LYRM4: variants seen among roughly 807,000 people sequenced by gnomAD.
LYRM4 encodes the protein LYR motif-containing protein 4.
In LYRM4, 9 loss-of-function variants were observed where a neutral mutation model predicts 11.7. The ratio of observed to expected loss-of-function variants is 0.77; its 90% CI spans 0.46 to 1.34. The LOEUF (loss-of-function observed/expected upper bound fraction) is 1.34, where lower values mean the gene tolerates loss of function less well. Among genes scored for constraint, LYRM4 ranks in the 40% most tolerant of loss-of-function variants. The pLI is 0.00. For synonymous variants in LYRM4, 42 were observed against 40.4 expected (o/e 1.04, Z -0.15); for missense variants, 133 against 112.5 (o/e 1.18, Z -0.82).
chr6:5,176,396 T>A (rs1182352819), intron 2 of LYRM4, among the ~76,000 whole-genome samples: 1 of 152,152 alleles, frequency 6.6e-6, no homozygotes, highest in African/African-American at 2.4e-5. Flanking sequence ...TAGAAACAGA[T>A]TGTTGGTATA....
chr6:5,077,159 G>A, the LYRM4 span, among the ~76,000 whole-genome samples: 1 of 152,156 alleles, frequency 6.6e-6, no homozygotes, highest in Non-Finnish European at 1.5e-5. Flanking sequence ...GGGACAGTGG[G>A]GATACCCATT....
chr6:5,256,986 C>G (rs1317794076), intron 1 of LYRM4, among the ~76,000 whole-genome samples: 1 of 152,148 alleles, frequency 6.6e-6, no homozygotes, highest in African/African-American at 2.4e-5. Context: ...TCAAATACAA[C>G]ATTCTTCTCT....
At chr6:5,173,282 C>T (rs893701202) in intron 2 of LYRM4, among the ~76,000 whole-genome samples, 9 of 152,232 alleles carry the variant, frequency 5.9e-5, no homozygotes, top group Admixed American at 3.9e-4. Context: ...GACACATCAA[C>T]GCTGTTATGC....
the LYRM4 span, chr6:5,054,176 A>C: frequency 1.1e-6 from 1 of 924,774 alleles, no homozygotes; most frequent in East Asian, 1.2e-4. Flanking sequence ...GAGGAAGAAA[A>C]GGGGTGGGAA....
At chr6:5,086,607 G>A in the LYRM4 span, 7 of 1,405,532 alleles carry the variant, frequency 5.0e-6, no homozygotes, top group East Asian at 1.8e-4. Context: ...TGATTAGCAC[G>A]TGGAGCTCGG....
At chr6:5,237,063 A>T (rs919923783) in intron 1 of LYRM4, among the ~76,000 whole-genome samples, 6 of 152,182 alleles carry the variant, frequency 3.9e-5, no homozygotes, top group Non-Finnish European at 8.8e-5. Context: ...CAAGGTAAAG[A>T]ATTGGCTTTC....
the LYRM4 span, among the ~76,000 whole-genome samples, chr6:5,041,958 A>G: frequency 6.6e-6 from 1 of 152,224 alleles, no homozygotes; most frequent in Non-Finnish European, 1.5e-5. Flanking sequence ...TTTGTTTTCT[A>G]TAAGAATTGT....
downstream of LYRM4, among the ~76,000 whole-genome samples, chr6:5,102,030 C>CAG (rs1418047924): frequency 1.1e-4 from 14 of 131,514 alleles, no homozygotes; most frequent in African/African-American, 3.9e-4. Flanking sequence ...TGGCCTCAAG[C>CAG]AGTCCTCTTG....
At position 5,140,683 on chromosome 6, in the gene LYRM4, C is replaced by A. The variant is rs181215441; in HGVS notation, c.208-31192G>T. Among the ~76,000 whole-genome samples the A allele has an allele frequency of 2.8e-4, 42 of 152,336 alleles. 1 individual carries two copies. The East Asian group carries it at 7.1e-3, about 26-fold the overall frequency. The stretch of plus-strand genomic sequence containing the variant: ...GCACTTGGGAACATGTAAGGCTTAT[C>A]ATTTCCTAGATTCTTAACCATTCAA... On this transcript the variant is annotated intron_variant, in intron 2 of 2. Coordinates refer to ENST00000330636, the MANE Select transcript of LYRM4 (RefSeq NM_020408.6).
chr6:5,081,243 A>T, the LYRM4 span, among the ~76,000 whole-genome samples: 2 of 152,044 alleles, frequency 1.3e-5, no homozygotes, highest in Admixed American at 1.3e-4. Flanking sequence ...AGTAGAGAAG[A>T]CCTGGGCCCT....
At chr6:5,074,923 G>C in the LYRM4 span, among the ~76,000 whole-genome samples, 13 of 152,202 alleles carry the variant, frequency 8.5e-5, no homozygotes, top group East Asian at 1.9e-3. Context: ...AGAGGTGATT[G>C]GATTATGGGG....
At chr6:5,140,377 T>A (rs988418531) in intron 2 of LYRM4, among the ~76,000 whole-genome samples, 1 of 151,394 alleles carries the variant, frequency 6.6e-6, no homozygotes, top group African/African-American at 2.4e-5. Flanking sequence ...TAACAATACT[T>A]AAAAAAAAAT....
chr6:5,066,490 G>A, the LYRM4 span: 1 of 769,672 alleles, frequency 1.3e-6, no homozygotes, highest in Non-Finnish European at 2.4e-6. Context: ...GCCATAGCGG[G>A]TGGTTTTATT....
the LYRM4 span, chr6:5,086,585 G>C: frequency 4.8e-6 from 7 of 1,466,642 alleles, no homozygotes; most frequent in Non-Finnish European, 6.3e-6. Flanking sequence ...TCGAAGAGCC[G>C]TGGGGCGGGG....
chr6:5,232,033 C>G (rs905781272), intron 1 of LYRM4, among the ~76,000 whole-genome samples: 1 of 152,092 alleles, frequency 6.6e-6, no homozygotes, highest in Non-Finnish European at 1.5e-5. Context: ...GTTACCATGC[C>G]ACTTTTTTCT....
the LYRM4 span, among the ~76,000 whole-genome samples, chr6:5,069,205 T>C: frequency 1.6e-4 from 24 of 152,254 alleles, no homozygotes; most frequent in African/African-American, 5.5e-4. Flanking sequence ...AACATTTTGT[T>C]CTAAGGATTT....
chr6:5,250,720 CAAACGT>C (rs140879090), intron 1 of LYRM4, among the ~76,000 whole-genome samples: 36,739 of 151,932 alleles, frequency 0.24, 4,924 homozygotes, highest in African/African-American at 0.36. Context: ...AAATTCAGAA[CAAACGT>C]AAGAACTGAT....
downstream of LYRM4, among the ~76,000 whole-genome samples, chr6:5,099,037 G>C (rs1762421410): frequency 6.6e-6 from 1 of 152,092 alleles, no homozygotes. This position sits in a 1 kb window ranked among gnomAD's most constrained non-coding sequence, Gnocchi z 4.3. Flanking sequence ...TGTCCACACT[G>C]ACTGGTGGCA....
At chr6:5,146,252 G>C (rs6924197) in intron 2 of LYRM4, among the ~76,000 whole-genome samples, 16,745 of 152,168 alleles carry the variant, frequency 0.11, 1,033 homozygotes, top group South Asian at 0.23. Flanking sequence ...AATCGTGCAA[G>C]GTGCTGAGGG....
Sources: gnomAD v4.1 joint callset for allele counts (sites outside exome capture counted in the v4.1 genomes callset) on GRCh38, gnomAD v4.1.1 for gene constraint, Gnocchi (gnomAD v3.1) non-coding constraint, MANE v1.5 for transcripts, NCBI Gene and HGNC (gene_info 2026-07-23, HGNC 2026-07-21) for gene names.